The following HHIPL1 variants were observed in gnomAD, a reference collection of about 807,000 sequenced individuals.
HHIPL1 encodes the protein HHIP-like protein 1.
In HHIPL1, 43 loss-of-function variants were observed where a neutral mutation model predicts 61.8. The ratio of observed to expected loss-of-function variants is 0.70; its 90% CI spans 0.55 to 0.90. HHIPL1 has a LOEUF of 0.90. Among genes scored for constraint, HHIPL1 ranks in the 40% least tolerant of loss-of-function variants. The probability of loss-of-function intolerance (pLI) is 0.00; values close to 1 mark genes in which losing one functional copy is unlikely to be tolerated. For synonymous variants in HHIPL1, 482 were observed against 515.8 expected (o/e 0.93, Z 0.89); for missense variants, 1,056 against 1,157.7 (o/e 0.91, Z 1.28).
intron 6 of HHIPL1, among the ~76,000 whole-genome samples, chr14:99,667,333 T>C (rs2056261866): frequency 6.6e-6 from 1 of 151,848 alleles, no homozygotes; most frequent in African/African-American, 2.4e-5. Context: ...TTTTTTTTTT[T>C]CTCAGCTGTG....
the HHIPL1 span, among the ~76,000 whole-genome samples, chr14:99,616,224 G>A: frequency 0.15 from 22,681 of 152,168 alleles, 2,168 homozygotes; most frequent in African/African-American, 0.27. Flanking sequence ...ACAGATTTGT[G>A]AGCCTAGCAG....
At chr14:99,633,859 G>T in the HHIPL1 span, among the ~76,000 whole-genome samples, 1 of 152,214 alleles carries the variant, frequency 6.6e-6, no homozygotes, top group Non-Finnish European at 1.5e-5. Flanking sequence ...CAGGCATTCT[G>T]ATAGCTTTCA....
chr14:99,617,982 G>T, the HHIPL1 span, among the ~76,000 whole-genome samples: 1 of 152,214 alleles, frequency 6.6e-6, no homozygotes, highest in East Asian at 1.9e-4. Context: ...GTGAAGGCAG[G>T]CAGAGGACGT....
chr14:99,636,371 T>C, the HHIPL1 span, among the ~76,000 whole-genome samples: 149 of 152,336 alleles, frequency 9.8e-4, no homozygotes, highest in African/African-American at 3.4e-3. Context: ...GGTGCTGACA[T>C]GAGGCCCGCA....
intron 7 of HHIPL1, 108 bp from the exon 8 acceptor site, chr14:99,672,209 C>T: frequency 1.3e-6 from 1 of 799,064 alleles, no homozygotes; most frequent in Admixed American, 2.1e-5. Flanking sequence ...TGGTGAATGG[C>T]CGCCTGTTAC....
chr14:99,659,825 A>AGGT, intron 4 of HHIPL1, 69 bp downstream of exon 4: 2 of 552,028 alleles, frequency 3.6e-6, no homozygotes, highest in Non-Finnish European at 4.7e-6. Context: ...GCTGTGCCGC[A>AGGT]GGGCCTCCCT....
At chr14:99,616,506 G>C in the HHIPL1 span, among the ~76,000 whole-genome samples, 3 of 152,188 alleles carry the variant, frequency 2.0e-5, no homozygotes, top group Admixed American at 2.0e-4. Context: ...GTAAGAGAAA[G>C]GCAAGCGAGA....
chr14:99,609,524 C>T, the HHIPL1 span, among the ~76,000 whole-genome samples: 1 of 152,248 alleles, frequency 6.6e-6, no homozygotes, highest in African/African-American at 2.4e-5. Flanking sequence ...CACCTTCTTC[C>T]TTTTGGGGTG....
intron 4 of HHIPL1, 55 bp downstream of exon 4, chr14:99,659,811 A>T (rs1202941446): frequency 1.6e-6 from 1 of 636,152 alleles, no homozygotes. Context: ...ACCCCACCCC[A>T]CCTGCTGTGC....
chr14:99,653,847 C>T (rs922114994), intron 2 of HHIPL1, among the ~76,000 whole-genome samples: 2 of 152,202 alleles, frequency 1.3e-5, no homozygotes, highest in African/African-American at 2.4e-5. Context: ...TAACAGGTAA[C>T]TCAATAGGTA....
intron 1 of HHIPL1, 74 bp downstream of exon 1, chr14:99,645,536 C>CG (rs1221414978): frequency 2.4e-6 from 3 of 1,230,262 alleles, no homozygotes; most frequent in Non-Finnish European, 3.0e-6. Flanking sequence ...CGGAACCCCG[C>CG]GGGGGCGAGG....
At chr14:99,641,128 C>T (rs561345403), upstream of HHIPL1, among the ~76,000 whole-genome samples, 378 of 152,038 alleles carry the variant, frequency 2.5e-3, no homozygotes, top group Non-Finnish European at 4.1e-3. Flanking sequence ...CTCAGGTGAT[C>T]CACCCGCCTC....
the HHIPL1 span, among the ~76,000 whole-genome samples, chr14:99,620,403 G>A: frequency 4.3e-4 from 65 of 152,336 alleles, no homozygotes; most frequent in African/African-American, 1.5e-3. Flanking sequence ...CCCTGACCTG[G>A]GCTTCTTGCA....
the HHIPL1 span, among the ~76,000 whole-genome samples, chr14:99,612,880 CT>C: frequency 2.0e-5 from 3 of 152,174 alleles, no homozygotes; most frequent in Non-Finnish European, 4.4e-5. Context: ...TGCCCTAGGC[CT>C]GAGGTCTACA....
At chr14:99,656,494 G>C (rs1475074789) in intron 2 of HHIPL1, among the ~76,000 whole-genome samples, 4 of 152,048 alleles carry the variant, frequency 2.6e-5, no homozygotes, top group African/African-American at 7.2e-5. Context: ...GTCTTTTCCA[G>C]GCTGGGCATG....
the HHIPL1 span, among the ~76,000 whole-genome samples, chr14:99,634,288 T>TG: frequency 3.9e-5 from 6 of 152,238 alleles, no homozygotes; most frequent in Non-Finnish European, 8.8e-5. Context: ...GCCCCCACAC[T>TG]GGGGGGTCCT....
intron 8 of HHIPL1, among the ~76,000 whole-genome samples, chr14:99,674,483 C>CGTGGTGCCAACCTTGGGAACCCGCTGGT (rs2056363439): frequency 6.6e-6 from 1 of 152,118 alleles, no homozygotes; most frequent in South Asian, 2.1e-4. Context: ...CCATCGTACC[C>CGTGGTGCCAACCTTGGGAACCCGCTGGT]GCTGTGACAA....
At chr14:99,626,105 A>G in the HHIPL1 span, among the ~76,000 whole-genome samples, 2 of 151,718 alleles carry the variant, frequency 1.3e-5, no homozygotes, top group Non-Finnish European at 2.9e-5. Flanking sequence ...ATGACTGTAG[A>G]CTGACTTTGA....
intron 1 of HHIPL1, among the ~76,000 whole-genome samples, chr14:99,649,996 G>A (rs1200310756): frequency 6.6e-6 from 1 of 152,202 alleles, no homozygotes; most frequent in Non-Finnish European, 1.5e-5. Context: ...GCAGAGGGGA[G>A]CATGTAAGAC....
Sources: gnomAD v4.1 joint callset for allele counts (sites outside exome capture counted in the v4.1 genomes callset) on GRCh38, gnomAD v4.1.1 for gene constraint, MANE v1.5 for transcripts, NCBI Gene and HGNC (gene_info 2026-07-23, HGNC 2026-07-21) for gene names.